RNF144A: variants seen among roughly 807,000 people sequenced by gnomAD.
The protein encoded by RNF144A is E3 ubiquitin-protein ligase RNF144A.
A neutral mutation model predicts 38.7 loss-of-function variants in RNF144A; 11 were observed. The ratio of observed to expected loss-of-function variants is 0.28; its 90% confidence interval spans 0.18 to 0.47. RNF144A has a LOEUF of 0.47. Among genes scored for constraint, RNF144A ranks in the 20% least tolerant of loss-of-function variants. RNF144A has a pLI of 0.99. For synonymous variants in RNF144A, 149 were observed against 143.9 expected, an observed-to-expected ratio of 1.04 and a Z score of -0.25; for missense variants, 316 against 377.2, an observed-to-expected ratio of 0.84 and a Z score of 1.34.
chr2:7,058,739 G>T (rs1029579727), intron 6 of RNF144A, among the ~76,000 whole-genome samples: 5 of 152,160 alleles, frequency 3.3e-5, no homozygotes, highest in African/African-American at 1.2e-4. Flanking sequence ...CAATAAAGGT[G>T]AATATATTGC....
At chr2:7,015,477 A>T (rs1298975546) in intron 5 of RNF144A, among the ~76,000 whole-genome samples, 1 of 152,152 alleles carries the variant, frequency 6.6e-6, no homozygotes, top group East Asian at 1.9e-4. Context: ...AGCAGGCCTG[A>T]TGCAGACCCA....
At chr2:7,069,561 C>T (rs1018052000), downstream of RNF144A, among the ~76,000 whole-genome samples, 11 of 152,146 alleles carry the variant, frequency 7.2e-5, no homozygotes, top group Non-Finnish European at 1.6e-4. Flanking sequence ...CCATCTTTCC[C>T]ACTCCTTCTC....
At chr2:7,018,289 G>A (rs547562422) in intron 5 of RNF144A, among the ~76,000 whole-genome samples, 8 of 152,328 alleles carry the variant, frequency 5.3e-5, no homozygotes, top group East Asian at 3.9e-4. Flanking sequence ...CTCTTCCCGC[G>A]CAGCGTGTTG....
Position 7,014,762 on chromosome 2 carries a change from A to G in RNF144A, c.291A>G (p.Gln97=), listed in dbSNP as rs1001892590. ...AEIMQRYKKL[Q]FEREVLFDPC... ...TTATGCAAAGATATAAAAAGCTACA[A>G]TTTGAAAGAGGTAGGTGCCTGGTAT... Residue 97 remains glutamine, a synonymous_variant, in exon 5 of 9, where the codon CAA becomes CAG. Coordinates refer to ENST00000320892, the MANE Select transcript of RNF144A (RefSeq NM_014746.6). 10 of 1,611,632 alleles carry G rather than the reference A, an allele frequency of 6.2e-6. No individual in the cohort carries two copies. Among genetic ancestry groups the G allele is most frequent in the Non-Finnish European group, 8.5e-6 (10 of 1,177,924 alleles).
At chr2:7,029,764 G>T (rs958865288) in intron 7 of RNF144A, among the ~76,000 whole-genome samples, 5 of 152,242 alleles carry the variant, frequency 3.3e-5, no homozygotes, top group African/African-American at 1.2e-4. Flanking sequence ...GCAGTGACCT[G>T]CGTGTTCAGT....
Position 7,041,028 on chromosome 2 carries a change from T to G in RNF144A, c.*1268T>G, listed in dbSNP as rs76419388. 1.1e-3 allele frequency: 1,046 copies of G among 985,406 alleles called. 8 individuals are homozygous for G. The African/African-American group carries it at 0.017, about 16-fold the overall frequency. 61.0% of individuals were successfully genotyped at this position (985,406 alleles called of 1,614,324 possible). On this transcript the variant is annotated 3_prime_UTR_variant, in exon 9 of 9. Transcript: ENST00000320892. ...TATTCCACCAATTGACTTTGAAAAG[T>G]GGAGAAAGTGTATTCTTTAAAGAGA...
intron 1 of RNF144A, among the ~76,000 whole-genome samples, chr2:6,925,797 A>G (rs979727879): frequency 1.4e-4 from 21 of 152,196 alleles, no homozygotes; most frequent in Non-Finnish European, 2.8e-4. Context: ...TAATAAGGTC[A>G]CATTCATAAG....
intron 7 of RNF144A, among the ~76,000 whole-genome samples, chr2:7,029,725 G>A (rs1558446812): frequency 6.6e-6 from 1 of 152,260 alleles, no homozygotes; most frequent in Non-Finnish European, 1.5e-5. Context: ...GTCACACACA[G>A]CCGGAGCCAG....
At chr2:7,066,424 G>A (rs1674227721) in intron 6 of RNF144A, among the ~76,000 whole-genome samples, 1 of 152,092 alleles carries the variant, frequency 6.6e-6, no homozygotes, top group African/African-American at 2.4e-5. Flanking sequence ...CTATAGCTTA[G>A]AACAATTTGG....
At chr2:6,970,018 C>T (rs1667904110) in intron 2 of RNF144A, among the ~76,000 whole-genome samples, 2 of 152,166 alleles carry the variant, frequency 1.3e-5, no homozygotes, top group South Asian at 4.1e-4. Flanking sequence ...CCTCAGCCTC[C>T]CAAAGTGCTG....
chr2:6,956,953 T>TA (rs1412459391), intron 2 of RNF144A, among the ~76,000 whole-genome samples: 1 of 152,174 alleles, frequency 6.6e-6, no homozygotes, highest in African/African-American at 2.4e-5. Flanking sequence ...ACTCCATCAG[T>TA]AGTTCTCAGG....
intron 8 of RNF144A, among the ~76,000 whole-genome samples, chr2:7,031,498 G>A (rs934041533): frequency 6.6e-6 from 1 of 152,208 alleles, no homozygotes; most frequent in African/African-American, 2.4e-5. Flanking sequence ...AGCAACCCTG[G>A]ATCTTGTGCT....
At chr2:6,946,746 C>A (rs1272957479) in intron 2 of RNF144A, among the ~76,000 whole-genome samples, 1 of 152,010 alleles carries the variant, frequency 6.6e-6, no homozygotes, top group Non-Finnish European at 1.5e-5. Context: ...TTTTTTCAAG[C>A]TCGTTCTTGA....
intron 6 of RNF144A, among the ~76,000 whole-genome samples, chr2:7,058,572 G>T (rs1377201980): frequency 6.6e-6 from 1 of 151,934 alleles, no homozygotes; most frequent in African/African-American, 2.4e-5. Context: ...TATTTCTCTA[G>T]GTGTTTCTAA....
chr2:6,968,019 T>C (rs1362101453), intron 2 of RNF144A, among the ~76,000 whole-genome samples: 1 of 152,214 alleles, frequency 6.6e-6, no homozygotes, highest in African/African-American at 2.4e-5. Flanking sequence ...TGTTGATATC[T>C]ATGGAGTAGG....
At position 6,944,253 on chromosome 2, in the gene RNF144A, T is replaced by C. The variant is rs1472968824; in HGVS notation, c.-12+3106T>C. 6.6e-6 allele frequency among the ~76,000 whole-genome samples: 1 copy of C among 152,120 alleles called. No homozygotes were observed. Among genetic ancestry groups the C allele is most frequent in the Non-Finnish European group, 1.5e-5 (1 of 68,004 alleles). ...ACCTGCAGTGGCACAGGCAGTGATC[T>C]GAGGTGGTGTGAGGAACCCGGAATG... On this transcript the variant is annotated intron_variant, in intron 2 of 8. Transcript: ENST00000320892. The surrounding 1 kb of genome is among the most constrained non-coding windows in gnomAD (Gnocchi z 4.7).
chr2:6,938,571 T>A (rs1339527471), intron 1 of RNF144A, among the ~76,000 whole-genome samples: 1 of 152,080 alleles, frequency 6.6e-6, no homozygotes, highest in Non-Finnish European at 1.5e-5. Context: ...AAATAGTAGT[T>A]TTATTAAAAT....
At chr2:7,053,257 A>G (rs1013292925) in intron 6 of RNF144A, among the ~76,000 whole-genome samples, 5 of 152,228 alleles carry the variant, frequency 3.3e-5, no homozygotes, top group African/African-American at 1.2e-4. Context: ...CCCACCTCAG[A>G]CCGAGTCAGA....
intron 1 of RNF144A, among the ~76,000 whole-genome samples, chr2:6,920,676 G>A (rs1664487126): frequency 6.6e-6 from 1 of 152,228 alleles, no homozygotes; most frequent in South Asian, 2.1e-4. Context: ...TTCTAACATT[G>A]AGATCGAAGA....
Sources: allele counts gnomAD v4.1 joint callset (sites outside exome capture counted in the v4.1 genomes callset), GRCh38; gene constraint gnomAD v4.1.1; non-coding constraint Gnocchi (gnomAD v3.1); transcripts MANE v1.5; gene names NCBI Gene and HGNC (gene_info 2026-07-23, HGNC 2026-07-21).